TMEM114: variants seen among roughly 807,000 people sequenced by gnomAD.
TMEM114 encodes the protein transmembrane protein 114, also known as claudin-26.
TMEM114 carries 6 observed loss-of-function variants against 6.2 expected under a neutral mutation model. That is an observed-to-expected ratio of 0.97 (90% CI 0.53 to 1.91). TMEM114 has a LOEUF of 1.91. Among genes scored for constraint, TMEM114 ranks in the 40% most tolerant of loss-of-function variants. The pLI is 0.01. For missense variants in TMEM114, 218 were observed against 158.3 expected, an observed-to-expected ratio of 1.38 and a Z score of -2.02; for synonymous variants, 104 against 73.0, an observed-to-expected ratio of 1.42 and a Z score of -2.16.
chr16:8,589,483 T>TC (rs1350403654), intron 1 of TMEM114, 136 bp downstream of exon 1: 12 of 397,166 alleles, frequency 3.0e-5, no homozygotes, highest in Non-Finnish European at 4.4e-5. Flanking sequence ...CTGCTCACCT[T>TC]CCCCCCGAGT....
the TMEM114 span, chr16:8,532,042 C>G: frequency 6.6e-6 from 1 of 152,098 alleles, no homozygotes; most frequent in Non-Finnish European, 1.5e-5. Flanking sequence ...AGGTGGATTG[C>G]TTATGGAAGA....
chr16:8,534,844 T>C (rs34558351), downstream of TMEM114, among the ~76,000 whole-genome samples: 21,517 of 152,290 alleles, frequency 0.14, 1,593 homozygotes, highest in African/African-American at 0.18. Context: ...CTGCTAAGAT[T>C]TTCATGAAGC....
downstream of TMEM114, among the ~76,000 whole-genome samples, chr16:8,535,753 G>C (rs944225831): frequency 6.6e-6 from 1 of 152,172 alleles, no homozygotes; most frequent in African/African-American, 2.4e-5. Context: ...TAAAGGTGAT[G>C]GTATGGGAGA....
intron 2 of TMEM114, among the ~76,000 whole-genome samples, chr16:8,574,095 C>A (rs566161286): frequency 1.8e-4 from 27 of 152,136 alleles, no homozygotes; most frequent in African/African-American, 6.5e-4. Flanking sequence ...ACTGAGGGAG[C>A]CCAATAGATG....
chr16:8,573,967 G>A (rs1005218401), intron 2 of TMEM114, among the ~76,000 whole-genome samples: 1 of 152,208 alleles, frequency 6.6e-6, no homozygotes, highest in African/African-American at 2.4e-5. Context: ...GGTAAGTGCT[G>A]AAGAGATATG....
At chr16:8,564,369 GTCAGTGAA>G (rs1477730198) in intron 2 of TMEM114, among the ~76,000 whole-genome samples, 2 of 150,028 alleles carry the variant, frequency 1.3e-5, no homozygotes, top group African/African-American at 2.5e-5. Flanking sequence ...GAGTGAATGA[GTCAGTGAA>G]TGAGTGAGGG....
At chr16:8,583,956 G>T (rs141745371) in intron 2 of TMEM114, among the ~76,000 whole-genome samples, 1 of 152,104 alleles carries the variant, frequency 6.6e-6, no homozygotes, top group Admixed American at 6.6e-5. Flanking sequence ...GACTCAGCCC[G>T]GCCAATCAGC....
the TMEM114 span, among the ~76,000 whole-genome samples, chr16:8,527,353 G>T: frequency 6.6e-6 from 1 of 152,204 alleles, no homozygotes; most frequent in Admixed American, 6.5e-5. Flanking sequence ...TTTGGTGTCA[G>T]GGACACCCAA....
chr16:8,550,111 A>C (rs1470130867), intron 2 of TMEM114, among the ~76,000 whole-genome samples: 1 of 152,216 alleles, frequency 6.6e-6, no homozygotes, highest in African/African-American at 2.4e-5. Context: ...AGAAAGATGA[A>C]GGCCAGAAGA....
At chr16:8,533,720 T>C (rs1900280990), downstream of TMEM114, among the ~76,000 whole-genome samples, 1 of 152,220 alleles carries the variant, frequency 6.6e-6, no homozygotes, top group Non-Finnish European at 1.5e-5. Context: ...ACTATTGACT[T>C]GTTACCTTGA....
intron 2 of TMEM114, among the ~76,000 whole-genome samples, chr16:8,573,193 G>A (rs753462543): frequency 6.6e-6 from 1 of 152,108 alleles, no homozygotes; most frequent in African/African-American, 2.4e-5. Context: ...GAGAACTAAC[G>A]GGGACACTGT....
chr16:8,532,433 T>A, the TMEM114 span, among the ~76,000 whole-genome samples: 1 of 152,112 alleles, frequency 6.6e-6, no homozygotes, highest in Admixed American at 6.6e-5. Context: ...CCTAGTATTA[T>A]GATCGAAATT....
At chr16:8,550,328 C>G (rs867454416) in intron 2 of TMEM114, among the ~76,000 whole-genome samples, 5 of 152,334 alleles carry the variant, frequency 3.3e-5, no homozygotes, top group South Asian at 2.1e-4. Context: ...CAAGCTGACA[C>G]TTAATATTAA....
rs572048497 is a variant in TMEM114 at position 8,545,815 on chromosome 16, T to C, written n.213-7989A>G. 7.3e-4 allele frequency among the ~76,000 whole-genome samples: 111 copies of C among 152,254 alleles called. 1 individual carries two copies. Among genetic ancestry groups the C allele is most frequent in the African/African-American group, 2.6e-3 (110 of 41,558 alleles). On this transcript the variant is annotated intron_variant and non_coding_transcript_variant, in intron 2 of 2. Transcript: ENST00000623677. Reference sequence around the variant, plus strand: ...CTTCTTAAAATTCTCAAACCTTTGATTTCATAAATAAATGCTCAGCCAGGC... The same window carrying C: ...CTTCTTAAAATTCTCAAACCTTTGACTTCATAAATAAATGCTCAGCCAGGC...
chr16:8,547,206 A>G lies in TMEM114; in HGVS notation n.213-9380T>C, dbSNP rs1900697274. Among the ~76,000 whole-genome samples the G allele has an allele frequency of 2.6e-5, 4 of 152,260 alleles. No homozygotes were observed. In the South Asian group the frequency reaches 8.3e-4, roughly 32 times the overall value. On this transcript the variant is annotated intron_variant and non_coding_transcript_variant, in intron 2 of 2. Transcript: ENST00000623677. ...AAAGTTGTCATGATTTTTGCATTAA[A>G]GACACCATCCCAGCAGCTGTGTGGA... is the stretch of plus-strand genomic sequence containing the variant.
At position 8,583,491 on chromosome 16, in the gene TMEM114, T is replaced by C. The variant is rs986662785; in HGVS notation, c.301+5722A>G. On this transcript the variant is annotated intron_variant, in intron 2 of 3. Coordinates refer to ENST00000620492, the MANE Select transcript of TMEM114 (RefSeq NM_001146336.2). ...CGAGCACAGTGGTTCAGGCCTGTTA[T>C]CCCAGCACTTTGGGAGGCCAAGGCA... Among the ~76,000 whole-genome samples the C allele has an allele frequency of 1.1e-4, 16 of 152,168 alleles. No individual in the cohort carries two copies. In the East Asian group the frequency reaches 2.3e-3, roughly 22 times the overall value.
At chr16:8,581,047 C>T (rs930340601) in intron 2 of TMEM114, among the ~76,000 whole-genome samples, 1 of 152,132 alleles carries the variant, frequency 6.6e-6, no homozygotes, top group Non-Finnish European at 1.5e-5. Flanking sequence ...CCACAGCACC[C>T]CACAATCATA....
At chr16:8,550,059 C>T (rs892152412) in intron 2 of TMEM114, among the ~76,000 whole-genome samples, 12 of 152,206 alleles carry the variant, frequency 7.9e-5, no homozygotes, top group African/African-American at 2.9e-4. Flanking sequence ...AGCCAAAGAA[C>T]TTGGAATCTG....
At chr16:8,553,892 C>A (rs893608390) in intron 2 of TMEM114, among the ~76,000 whole-genome samples, 1 of 124,598 alleles carries the variant, frequency 8.0e-6, no homozygotes, top group African/African-American at 3.0e-5. Context: ...TTTTTTTTTT[C>A]TTTTGAGACA....
Sources: gnomAD v4.1 joint callset for allele counts (sites outside exome capture counted in the v4.1 genomes callset) on GRCh38, gnomAD v4.1.1 for gene constraint, MANE v1.5 for transcripts, NCBI Gene and HGNC (gene_info 2026-07-23, HGNC 2026-07-21) for gene names.